Variants in HTR7 observed in about 807,000 individuals in gnomAD.
The protein encoded by HTR7 is 5-HT-7.
HTR7 carries 16 observed loss-of-function variants against 34.0 expected under a neutral mutation model. That is an observed-to-expected ratio of 0.47 (90% confidence interval 0.32 to 0.71). The LOEUF (loss-of-function observed/expected upper bound fraction) is 0.71. Among genes scored for constraint, HTR7 ranks in the 30% least tolerant of loss-of-function variants. The pLI, the probability that HTR7 is intolerant of heterozygous loss-of-function variation, is 0.04. For missense variants in HTR7, 504 were observed against 625.5 expected, an observed-to-expected ratio of 0.81 and a Z score of 2.07; for synonymous variants, 265 against 260.2, an observed-to-expected ratio of 1.02 and a Z score of -0.18.
At chr10:90,762,081 G>A (rs1293210442) in intron 1 of HTR7, among the ~76,000 whole-genome samples, 3 of 152,274 alleles carry the variant, frequency 2.0e-5, no homozygotes, top group Non-Finnish European at 2.9e-5. Context: ...TAAATAGTGG[G>A]CTATTAACAT....
At chr10:90,839,302 C>T (rs768768548) in intron 1 of HTR7, among the ~76,000 whole-genome samples, 1 of 152,078 alleles carries the variant, frequency 6.6e-6, no homozygotes, top group African/African-American at 2.4e-5. Context: ...ATACATTTCC[C>T]GGAATATAAT....
At chr10:90,791,251 T>C (rs1360373502) in intron 1 of HTR7, among the ~76,000 whole-genome samples, 1 of 151,992 alleles carries the variant, frequency 6.6e-6, no homozygotes, top group Non-Finnish European at 1.5e-5. Context: ...TATATATATA[T>C]TTAGAATGAG....
chr10:90,793,715 GGC>G (rs1845494748), intron 1 of HTR7, among the ~76,000 whole-genome samples: 1 of 152,050 alleles, frequency 6.6e-6, no homozygotes, highest in African/African-American at 2.4e-5. Flanking sequence ...TCCCACAATA[GGC>G]TATCTGCAAG....
intron 1 of HTR7, among the ~76,000 whole-genome samples, chr10:90,794,118 A>G (rs1845500161): frequency 6.6e-6 from 1 of 152,204 alleles, no homozygotes; most frequent in African/African-American, 2.4e-5. Context: ...ATTGACACTC[A>G]ATATTAACCA....
chr10:90,753,889 C>G (rs1256715894), intron 1 of HTR7, among the ~76,000 whole-genome samples: 1 of 151,848 alleles, frequency 6.6e-6, no homozygotes, highest in African/African-American at 2.4e-5. Context: ...TATTATTAAC[C>G]TTTCTATATA....
intron 1 of HTR7, among the ~76,000 whole-genome samples, chr10:90,850,918 T>C (rs534714659): frequency 2.1e-4 from 32 of 152,308 alleles, no homozygotes; most frequent in African/African-American, 7.7e-4. Flanking sequence ...ACAATACATA[T>C]GTTTGAAGAC....
intron 1 of HTR7, among the ~76,000 whole-genome samples, chr10:90,819,010 C>T (rs1034088956): frequency 6.6e-6 from 1 of 152,288 alleles, no homozygotes; most frequent in Admixed American, 6.5e-5. Context: ...GCCTCCCCAG[C>T]CATGCATCCT....
chr10:90,787,123 T>A (rs2119866414), intron 1 of HTR7, among the ~76,000 whole-genome samples: 1 of 152,260 alleles, frequency 6.6e-6, no homozygotes, highest in Non-Finnish European at 1.5e-5. Flanking sequence ...TAACCGTGCC[T>A]TATTCATTCA....
intron 1 of HTR7, among the ~76,000 whole-genome samples, chr10:90,771,136 G>A (rs892469318): frequency 6.6e-6 from 1 of 152,118 alleles, no homozygotes; most frequent in East Asian, 1.9e-4. Context: ...CCAAACACTT[G>A]TTGGGAAGAC....
intron 1 of HTR7, among the ~76,000 whole-genome samples, chr10:90,822,366 G>C (rs1845997787): frequency 6.6e-6 from 1 of 152,190 alleles, no homozygotes; most frequent in South Asian, 2.1e-4. Flanking sequence ...CCCTGCCCTA[G>C]AGATCTGTGG....
chr10:90,799,453 G>C (rs1845592542), intron 1 of HTR7, among the ~76,000 whole-genome samples: 1 of 152,166 alleles, frequency 6.6e-6, no homozygotes, highest in Non-Finnish European at 1.5e-5. Flanking sequence ...CATTGAGCCT[G>C]CTGGGTGTCG....
intron 1 of HTR7, among the ~76,000 whole-genome samples, chr10:90,761,126 T>G (rs1353863011): frequency 2.0e-5 from 3 of 152,172 alleles, no homozygotes; most frequent in African/African-American, 7.2e-5. Context: ...ACTAACCAGC[T>G]AGCCAGCCAT....
chr10:90,857,680 C>G lies in HTR7; in HGVS notation c.-9G>C, dbSNP rs1011023454. 7 of 1,533,898 alleles carry G rather than the reference C, an allele frequency of 4.6e-6. No individual in the cohort carries two copies. Among genetic ancestry groups the G allele is most frequent in the South Asian group, 1.2e-5 (1 of 81,576 alleles). ...CTGTTAACGTCCATCATCGCGCCGC[C>G]GTGTGCCGCTGCCCATGGAGCCGGC... On this transcript the variant is annotated 5_prime_UTR_variant, in exon 1 of 4. Transcript: ENST00000336152. This position sits in a 1 kb window ranked among gnomAD's most constrained non-coding sequence, Gnocchi z 6.5.
At chr10:90,763,118 G>A (rs549953236) in intron 1 of HTR7, among the ~76,000 whole-genome samples, 1 of 152,116 alleles carries the variant, frequency 6.6e-6, no homozygotes, top group Admixed American at 6.5e-5. Flanking sequence ...GTCTGTCTGG[G>A]GTCTTTTCTG....
chr10:90,787,196 A>C (rs940374101), intron 1 of HTR7, among the ~76,000 whole-genome samples: 3 of 152,172 alleles, frequency 2.0e-5, no homozygotes, highest in African/African-American at 7.2e-5. Context: ...ATCAGTAAAT[A>C]ATAAGACAAA....
intron 1 of HTR7, among the ~76,000 whole-genome samples, chr10:90,853,448 G>C (rs188193875): frequency 9.9e-4 from 149 of 150,264 alleles, no homozygotes; most frequent in Non-Finnish European, 1.5e-3. Flanking sequence ...ACCATGCCTG[G>C]CTTTTTTGTT....
At chr10:90,847,415 T>C (rs1046403445) in intron 1 of HTR7, among the ~76,000 whole-genome samples, 4 of 152,108 alleles carry the variant, frequency 2.6e-5, no homozygotes, top group Non-Finnish European at 1.5e-5. Context: ...ACCCATTTCA[T>C]CTCCTTCTCA....
intron 1 of HTR7, among the ~76,000 whole-genome samples, chr10:90,813,707 T>A (rs1212560042): frequency 6.6e-6 from 1 of 152,020 alleles, no homozygotes; most frequent in Non-Finnish European, 1.5e-5. Context: ...GCTGTGCCAA[T>A]AGGAAATGGC....
chr10:90,803,156 A>G (rs1301490120), intron 1 of HTR7, among the ~76,000 whole-genome samples: 1 of 151,980 alleles, frequency 6.6e-6, no homozygotes, highest in Non-Finnish European at 1.5e-5. Context: ...TCTTAGAGTA[A>G]GACTAAAAGT....
Sources: allele counts gnomAD v4.1 joint callset (sites outside exome capture counted in the v4.1 genomes callset), GRCh38; gene constraint gnomAD v4.1.1; non-coding constraint Gnocchi (gnomAD v3.1); transcripts MANE v1.5; gene names NCBI Gene and HGNC (gene_info 2026-07-23, HGNC 2026-07-21).